Variants in EPG5 observed in about 807,000 individuals in gnomAD.
EPG5 encodes the protein ectopic P-granules 5 autophagy tethering factor, also known as ectopic P granules protein 5 homolog.
In EPG5, 159 loss-of-function variants were observed where a neutral mutation model predicts 302.7. The ratio of observed to expected loss-of-function variants is 0.53; its 90% CI spans 0.46 to 0.60. The LOEUF (loss-of-function observed/expected upper bound fraction) is 0.60, where lower values mean the gene tolerates loss of function less well. EPG5 is among the 20% of genes least tolerant of loss of function. The pLI is 0.00. For synonymous variants in EPG5, 1,158 were observed against 1,136.8 expected (o/e 1.02, Z -0.37); for missense variants, 2,896 against 3,092.4 (o/e 0.94, Z 1.51).
intron 30 of EPG5, 90 bp from the exon 31 acceptor site, chr18:45,882,577 C>T: frequency 1.1e-6 from 1 of 893,480 alleles, no homozygotes; most frequent in South Asian, 2.0e-5. Flanking sequence ...AGTTTAAAAG[C>T]CAAAAATTAC....
At chr18:45,939,524 T>C in intron 10 of EPG5, 76 bp downstream of exon 10, 1 of 1,379,322 alleles carries the variant, frequency 7.2e-7, no homozygotes, top group Non-Finnish European at 1.0e-6. Flanking sequence ...AAGACCTACT[T>C]AAGTGGCTTT....
chr18:45,837,940 T>C, the EPG5 span: 3 of 1,438,736 alleles, frequency 2.1e-6, no homozygotes, highest in East Asian at 8.8e-5. Context: ...CTTCCCGCCC[T>C]CCCGCCTGCC....
At chr18:45,901,668 T>C (rs567806835) in intron 25 of EPG5, among the ~76,000 whole-genome samples, 1 of 152,212 alleles carries the variant, frequency 6.6e-6, no homozygotes, top group South Asian at 2.1e-4. Context: ...ATGCATAAGC[T>C]CCTTCAGCAC....
chr18:45,892,461 T>C (rs1281108950), intron 27 of EPG5, among the ~76,000 whole-genome samples: 1 of 152,238 alleles, frequency 6.6e-6, no homozygotes, highest in Non-Finnish European at 1.5e-5. Context: ...GGACAAAGCA[T>C]GTCCTTCAGC....
rs2145172418 is a variant in EPG5, at chr18:45,855,584, TG to T, written c.7545del (p.Ala2517LeufsTer5). On this transcript the variant is annotated frameshift_variant, in exon 43 of 44. Transcript: ENST00000282041. LOFTEE classifies it high-confidence loss of function. ...LRPGSELHLT[P>X]KAQQALNALE... The stretch of plus-strand genomic sequence containing the variant: ...TTGTATATACTGACCTGCTGAGCTT[TG>T]GGGGTCAGATGTAATTCAGAGCCAG... 1 of 1,613,674 alleles carries T rather than the reference TG, an allele frequency of 6.2e-7. No homozygotes were observed. The highest frequency in any genetic ancestry group is 8.5e-7 in the Non-Finnish European group (1 of 1,179,600).
the EPG5 span, among the ~76,000 whole-genome samples, chr18:45,815,139 A>G: frequency 1.2e-4 from 18 of 152,244 alleles, no homozygotes; most frequent in African/African-American, 4.3e-4. Flanking sequence ...CATTTATTTC[A>G]TCTGACACTC....
In EPG5 at chr18:45,884,746, C is replaced by T; in HGVS notation, c.5175G>A (p.Arg1725=). ...KVLETILKNS[R]LCSLLSPFFT... The stretch of plus-strand genomic sequence containing the variant: ...AGAAAGGAGACAGCAGGGAGCAGAG[C>T]CTGCTGTTCTTCAGAATGGTTTCAA... The change falls in exon 30 of 44, where the codon AGG becomes AGA. Residue 1725 remains arginine, a synonymous_variant. Coordinates refer to ENST00000282041, the MANE Select transcript of EPG5 (RefSeq NM_020964.3). The T allele has an allele frequency of 1.2e-6, 2 of 1,603,396 alleles. No homozygotes were observed. Among genetic ancestry groups the T allele is most frequent in the Non-Finnish European group, 1.7e-6 (2 of 1,176,334 alleles).
chr18:45,923,147 TA>T, intron 15 of EPG5, 120 bp downstream of exon 15: 1 of 1,101,346 alleles, frequency 9.1e-7, no homozygotes, highest in Non-Finnish European at 1.3e-6. Flanking sequence ...TATAACATCT[TA>T]AATTGCTAGA....
chr18:45,860,078 T>C, intron 40 of EPG5, 26 bp downstream of exon 40: 4 of 1,613,284 alleles, frequency 2.5e-6, no homozygotes, highest in South Asian at 1.1e-5. Context: ...ACCAATACAA[T>C]GGAGCGTAAG....
At chr18:45,942,390 T>TCC (rs573873904) in intron 9 of EPG5, among the ~76,000 whole-genome samples, 83 of 152,018 alleles carry the variant, frequency 5.5e-4, no homozygotes, top group Admixed American at 1.0e-3. Context: ...ATCACTTGAG[T>TCC]CCAGGAGTTT....
At chr18:45,958,405 G>A (rs1191495750) in intron 1 of EPG5, among the ~76,000 whole-genome samples, 7 of 152,158 alleles carry the variant, frequency 4.6e-5, no homozygotes, top group Non-Finnish European at 1.0e-4. Flanking sequence ...TGGAGAACTC[G>A]CACTTGGCAA....
rs1265568552 is a variant in EPG5 at position 45,860,310 on chromosome 18, C to G, written c.6803G>C (p.Ser2268Thr). The G allele has an allele frequency of 1.2e-6, 2 of 1,614,218 alleles. No homozygotes were observed. The highest frequency in any genetic ancestry group is 1.7e-6 in the Non-Finnish European group (2 of 1,180,038). ...CATCATCAGGACTTCCATAAAGAGG[C>G]TGCTGAGGGCCATGTGGCGGGTCTG... ...DSQTRHMALS[S>T]LFMEVLMMMN... Residue 2268 changes from serine to threonine, a missense_variant, in exon 40 of 44, where the codon AGC becomes ACC. Ser to Thr is a moderately conservative substitution (Grantham distance 58). Coordinates refer to ENST00000282041, the MANE Select transcript of EPG5 (RefSeq NM_020964.3).
chr18:45,889,540 T>C (rs773038024), intron 28 of EPG5, among the ~76,000 whole-genome samples: 5 of 152,210 alleles, frequency 3.3e-5, no homozygotes, highest in Non-Finnish European at 7.3e-5. Context: ...TTTATATCTC[T>C]GTTACAACCA....
Position 45,889,945 on chromosome 18 carries a change from C to T in EPG5, c.4810-5G>A. ...ATTCTTATGCATGCCTTCAAACTAA[C>T]AAAAATTAAAGTTATCAAAAGACAT... is the stretch of plus-strand genomic sequence containing the variant. On this transcript the variant is annotated splice_polypyrimidine_tract_variant and splice_region_variant and intron_variant, in intron 27 of 43. Coordinates refer to ENST00000282041, the MANE Select transcript of EPG5 (RefSeq NM_020964.3). The T allele has an allele frequency of 6.4e-7, 1 of 1,563,126 alleles. No individual in the cohort carries two copies. Among genetic ancestry groups the T allele is most frequent in the Non-Finnish European group, 8.7e-7 (1 of 1,151,676 alleles).
chr18:45,920,558 C>T (rs1483776354), intron 16 of EPG5, among the ~76,000 whole-genome samples: 1 of 152,234 alleles, frequency 6.6e-6, no homozygotes, highest in East Asian at 1.9e-4. Flanking sequence ...TGCGTCCACA[C>T]ATGGCAGAAG....
In EPG5 at chr18:45,944,106, T is replaced by G; in HGVS notation, c.1691A>C (p.Glu564Ala). Residue 564 changes from glutamate (E) to alanine (A), a missense_variant, in exon 8 of 44, where the codon GAG becomes GCG. Glu to Ala is a moderately radical substitution (Grantham distance 107). Around this residue, in one of 5 missense-constraint regions of EPG5, gnomAD observed 1,390 missense variants for 1,430.0 expected, o/e 0.97. Transcript: ENST00000282041. ...DEGGEEDEDP[E>A]TSWILLNEDD... ...TTCATTAAGGAGAATCCAACTGGTC[T>G]CAGGGTCTTCATCCTAAGGGAAAAG... 1 of 1,610,446 alleles carries G rather than the reference T, an allele frequency of 6.2e-7. No individual in the cohort carries two copies. Among genetic ancestry groups the G allele is most frequent in the Non-Finnish European group, 8.5e-7 (1 of 1,176,716 alleles).
chr18:45,819,014 G>A, the EPG5 span, among the ~76,000 whole-genome samples: 3 of 152,124 alleles, frequency 2.0e-5, no homozygotes, highest in East Asian at 1.9e-4. Flanking sequence ...GATTACAGGC[G>A]TGAGCCACCG....
At position 45,851,886 on chromosome 18, in the gene EPG5, G is replaced by A. The variant is rs2048428054; in HGVS notation, c.*581C>T. Reference sequence around the variant, plus strand: ...CATCTCTACTGCCCACTATAATCACGATCAAGTGGTCGTATTTTACACATG... The same window carrying A: ...CATCTCTACTGCCCACTATAATCACAATCAAGTGGTCGTATTTTACACATG... On this transcript the variant is annotated 3_prime_UTR_variant, in exon 44 of 44. Transcript: ENST00000282041. 6.6e-6 allele frequency: 1 copy of A among 152,242 alleles called. No individual in the cohort carries two copies. Among genetic ancestry groups the A allele is most frequent in the Non-Finnish European group, 1.5e-5 (1 of 68,090 alleles). 9.4% of individuals were successfully genotyped at this position (152,242 alleles called of 1,614,324 possible).
chr18:45,837,890 G>T, the EPG5 span: 1 of 1,515,790 alleles, frequency 6.6e-7, no homozygotes, highest in Non-Finnish European at 8.7e-7. Flanking sequence ...CCGGCTGCAC[G>T]TGACAGGCGA....
Sources: allele counts gnomAD v4.1 joint callset (sites outside exome capture counted in the v4.1 genomes callset), GRCh38; gene constraint gnomAD v4.1.1; regional missense constraint gnomAD v4.1.1; transcripts MANE v1.5; gene names NCBI Gene and HGNC (gene_info 2026-07-23, HGNC 2026-07-21).